Variants in APBB2 observed in about 807,000 individuals in gnomAD.
APBB2 encodes the protein Fe65-like 1.
In APBB2, 38 loss-of-function variants were observed where a neutral mutation model predicts 82.5. That is an observed-to-expected ratio of 0.46 (90% confidence interval 0.36 to 0.60). The LOEUF (loss-of-function observed/expected upper bound fraction) is 0.60, where lower values mean the gene tolerates loss of function less well. Among genes scored for constraint, APBB2 ranks in the 20% least tolerant of loss-of-function variants. The pLI, the probability that APBB2 is intolerant of heterozygous loss-of-function variation, is 0.00. For synonymous variants in APBB2, 341 were observed against 368.2 expected (o/e 0.93, Z 0.85); for missense variants, 772 against 972.3 (o/e 0.79, Z 2.74).
At chr4:41,194,534 T>C in intron 1 of APBB2, among the ~76,000 whole-genome samples, 2 of 152,198 alleles carry the variant, frequency 1.3e-5, no homozygotes, top group East Asian at 3.9e-4. Flanking sequence ...AATACAAAAA[T>C]TAGCCGGGCA....
chr4:41,193,677 A>G, intron 1 of APBB2: 1 of 433,558 alleles, frequency 2.3e-6, no homozygotes, highest in African/African-American at 2.2e-5. Flanking sequence ...CAGAACCACC[A>G]CTGCTGCTGT....
chr4:41,040,125 T>C (rs1013100527), intron 4 of APBB2, among the ~76,000 whole-genome samples: 1 of 152,054 alleles, frequency 6.6e-6, no homozygotes, highest in African/African-American at 2.4e-5. Flanking sequence ...CTGACATTAG[T>C]GAAATCATCA....
chr4:41,128,735 C>G (rs188648227), intron 2 of APBB2, among the ~76,000 whole-genome samples: 1 of 152,310 alleles, frequency 6.6e-6, no homozygotes, highest in Admixed American at 6.5e-5. Context: ...GTAAGGTACA[C>G]ACATCACTTC....
chr4:40,893,077 T>G, intron 11 of APBB2, 188 bp downstream of exon 11: 1 of 561,264 alleles, frequency 1.8e-6, no homozygotes, highest in Non-Finnish European at 3.0e-6. Context: ...CAGTCCTCAC[T>G]GGCATCTGGC....
intron 6 of APBB2, among the ~76,000 whole-genome samples, chr4:40,989,737 C>T (rs1230204944): frequency 6.6e-6 from 1 of 152,178 alleles, no homozygotes; most frequent in African/African-American, 2.4e-5. Context: ...TTAAGCTGAT[C>T]TCTGTGTCAT....
At chr4:41,043,788 G>A (rs1419266453) in intron 4 of APBB2, among the ~76,000 whole-genome samples, 1 of 152,096 alleles carries the variant, frequency 6.6e-6, no homozygotes, top group African/African-American at 2.4e-5. Flanking sequence ...AAATTTTGAT[G>A]TCTTTTAAGT....
At chr4:40,862,926 C>CT (rs1183894340) in intron 12 of APBB2, among the ~76,000 whole-genome samples, 10 of 151,300 alleles carry the variant, frequency 6.6e-5, no homozygotes, top group African/African-American at 2.4e-4. Context: ...AGACTCCTCG[C>CT]TTTTTTTACA....
At chr4:41,143,576 C>T (rs1759829781) in intron 1 of APBB2, among the ~76,000 whole-genome samples, 1 of 152,158 alleles carries the variant, frequency 6.6e-6, no homozygotes, top group Non-Finnish European at 1.5e-5. Flanking sequence ...GCTCAATATG[C>T]TTTAAAAAGT....
intron 4 of APBB2, 38 bp from the exon 5 acceptor site, chr4:41,033,342 A>G: frequency 7.8e-7 from 1 of 1,289,548 alleles, no homozygotes; most frequent in Non-Finnish European, 1.1e-6. Flanking sequence ...TAAAACTCCA[A>G]ATAACAAAGC....
rs78705684 is a variant in APBB2, at chr4:40,945,235, C to T, written c.836-162G>A. On this transcript the variant is annotated intron_variant, in intron 6 of 17. Transcript: ENST00000508593. ...AATCCATCCATACTGATGTGTGTGG[C>T]TGTACTTGGTAAAACAGGTAATATG... Among the ~76,000 whole-genome samples the T allele has an allele frequency of 6.6e-5, 10 of 152,226 alleles. No individual in the cohort carries two copies. In the East Asian group the frequency reaches 1.7e-3, roughly 26 times the overall value.
intron 12 of APBB2, among the ~76,000 whole-genome samples, chr4:40,867,268 G>T (rs137891051): frequency 6.6e-6 from 1 of 152,270 alleles, no homozygotes; most frequent in East Asian, 1.9e-4. Flanking sequence ...CCAGCAGAAT[G>T]ACCTTTTAGT....
In APBB2 at chr4:40,925,443, G is replaced by A. The variant is rs571301773; in HGVS notation, c.1254+9013C>T. On this transcript the variant is annotated intron_variant, in intron 10 of 17. Transcript: ENST00000508593. ...TTGCCCAAGGTCATCCAGCTGGTAAGCAGCAGAGCCTGGCTTTAAACCCGG... is the reference window on the plus strand; with the variant it reads ...TTGCCCAAGGTCATCCAGCTGGTAAACAGCAGAGCCTGGCTTTAAACCCGG... 2.0e-5 allele frequency among the ~76,000 whole-genome samples: 3 copies of A among 152,298 alleles called. No individual in the cohort carries two copies. In the East Asian group the frequency reaches 5.8e-4, roughly 29 times the overall value.
At chr4:41,037,556 G>T (rs1719708921) in intron 4 of APBB2, among the ~76,000 whole-genome samples, 1 of 152,130 alleles carries the variant, frequency 6.6e-6, no homozygotes, top group Non-Finnish European at 1.5e-5. Flanking sequence ...GTTGTACAGG[G>T]TAGTCCTAAG....
chr4:41,098,017 CCT>C, intron 3 of APBB2, among the ~76,000 whole-genome samples: 1 of 151,764 alleles, frequency 6.6e-6, no homozygotes, highest in Non-Finnish European at 1.5e-5. Context: ...TCCCCCCTCC[CCT>C]CCCGTCCCCT....
intron 1 of APBB2, among the ~76,000 whole-genome samples, chr4:41,182,902 G>A (rs1434145692): frequency 7.2e-5 from 11 of 152,304 alleles, no homozygotes; most frequent in Admixed American, 6.5e-4. Flanking sequence ...TGGGAATTAT[G>A]GGGAATACAA....
At chr4:41,087,813 A>G (rs1169396145) in intron 3 of APBB2, among the ~76,000 whole-genome samples, 6 of 152,184 alleles carry the variant, frequency 3.9e-5, no homozygotes, top group East Asian at 1.9e-4. Flanking sequence ...ATCACAGGGG[A>G]GACTTGTTGA....
intron 10 of APBB2, among the ~76,000 whole-genome samples, chr4:40,894,022 C>T (rs1010820723): frequency 1.3e-5 from 2 of 151,434 alleles, no homozygotes; most frequent in South Asian, 4.2e-4. Flanking sequence ...GGCGCGGTGG[C>T]TCATGCCTGT....
intron 7 of APBB2, among the ~76,000 whole-genome samples, chr4:40,939,187 T>C (rs543814766): frequency 4.6e-5 from 7 of 152,224 alleles, no homozygotes; most frequent in Non-Finnish European, 1.0e-4. Context: ...TCAGGTATTC[T>C]GTTATAAGCA....
intron 1 of APBB2, among the ~76,000 whole-genome samples, chr4:41,159,794 A>C (rs1414626474): frequency 2.0e-5 from 3 of 151,666 alleles, no homozygotes; most frequent in Non-Finnish European, 2.9e-5. Context: ...TTGCAGCTTA[A>C]TGAATGGAAA....
Sources: gnomAD v4.1 joint callset for allele counts (sites outside exome capture counted in the v4.1 genomes callset) on GRCh38, gnomAD v4.1.1 for gene constraint, MANE v1.5 for transcripts, NCBI Gene and HGNC (gene_info 2026-07-23, HGNC 2026-07-21) for gene names.